ZBTB7B: variants seen among roughly 807,000 people sequenced by gnomAD.
ZBTB7B encodes the protein zinc finger and BTB domain-containing protein 7B.
In ZBTB7B, 8 loss-of-function variants were observed where a neutral mutation model predicts 31.0. The ratio of observed to expected loss-of-function variants is 0.26; its 90% CI spans 0.15 to 0.47. The LOEUF is 0.47. Among genes scored for constraint, ZBTB7B ranks in the 20% least tolerant of loss-of-function variants. The pLI, the probability that ZBTB7B is intolerant of heterozygous loss-of-function variation, is 0.99. For synonymous variants in ZBTB7B, 261 were observed against 307.3 expected (o/e 0.85, Z 1.58); for missense variants, 494 against 742.4 (o/e 0.67, Z 3.89).
In ZBTB7B at chr1:155,015,336, G is replaced by C; in HGVS notation, c.676G>C (p.Val226Leu). ...ANHLVPEVPT[V>L]PAHPLTYEEE... ...CCACCTAGTCCCTGAGGTGCCCACA[G>C]TGCCCGCCCATCCCTTGACCTATGA... The change falls in exon 2 of 3, where the codon GTG becomes CTG. Residue 226 changes from valine (V) to leucine (L), a missense_variant. Coordinates refer to ENST00000535420, the MANE Select transcript of ZBTB7B (RefSeq NM_001256455.2). 6.3e-7 allele frequency: 1 copy of C among 1,597,200 alleles called. No homozygotes were observed. The highest frequency in any genetic ancestry group is 8.6e-7 in the Non-Finnish European group (1 of 1,169,114).
intron 1 of ZBTB7B, among the ~76,000 whole-genome samples, chr1:155,007,737 G>T (rs1658649273): frequency 1.3e-5 from 2 of 152,140 alleles, no homozygotes; most frequent in African/African-American, 4.8e-5. Context: ...GAGCAGGGGG[G>T]TAGGAGGGAG....
rs377607684 is a variant in ZBTB7B, at chr1:155,016,050, T to C, written c.1155-170T>C. ...GTGCTGGAAGCAGAGGAGTGGATAA[T>C]GACAAGGCCTAGTTAAGCTAGAGGT... On this transcript the variant is annotated intron_variant, in intron 2 of 2. Coordinates refer to ENST00000535420, the MANE Select transcript of ZBTB7B (RefSeq NM_001256455.2). The surrounding 1 kb of genome is among the most constrained non-coding windows in gnomAD (Gnocchi z 4.3). 3.8e-4 allele frequency among the ~76,000 whole-genome samples: 58 copies of C among 152,084 alleles called. No individual in the cohort carries two copies. The highest frequency in any genetic ancestry group is 1.3e-3 in the African/African-American group (54 of 41,476).
rs921040949 is a variant in ZBTB7B at position 155,017,652 on chromosome 1, C to G, written c.*967C>G. 1 of 152,380 alleles carries G rather than the reference C, an allele frequency of 6.6e-6. No individual in the cohort carries two copies. The highest frequency in any genetic ancestry group is 1.5e-5 in the Non-Finnish European group (1 of 68,166). 9.4% of individuals were successfully genotyped at this position (152,380 alleles called of 1,614,324 possible). ...TTGGAAGAGCCTTGTGGAGAGCGGG[C>G]GAGCCGGCGCCATCTGGCGGCCATG... On this transcript the variant is annotated 3_prime_UTR_variant, in exon 3 of 3. Coordinates refer to ENST00000535420, the MANE Select transcript of ZBTB7B (RefSeq NM_001256455.2).
At chr1:155,007,458 G>A (rs1027591853) in intron 1 of ZBTB7B, among the ~76,000 whole-genome samples, 1 of 152,220 alleles carries the variant, frequency 6.6e-6, no homozygotes, top group Non-Finnish European at 1.5e-5. Flanking sequence ...CAGGGGGAAT[G>A]CCGGGAGGTT....
chr1:155,017,567 GC>G lies in ZBTB7B; in HGVS notation c.*886del. 1 of 154,612 alleles carries G rather than the reference GC, an allele frequency of 6.5e-6. No homozygotes were observed. Among genetic ancestry groups the G allele is most frequent in the South Asian group, 2.0e-4 (1 of 5,046 alleles). The allele number at this position is 154,612 out of a possible 1,614,324, so 9.6% of individuals were successfully genotyped here. On this transcript the variant is annotated 3_prime_UTR_variant, in exon 3 of 3. Transcript: ENST00000535420. ...AGCCGGAGCCGCCGCCACCGCTGCC[GC>G]CCCTGACTCACGCCGCCCCCGGGCT...
upstream of ZBTB7B, among the ~76,000 whole-genome samples, chr1:155,002,277 G>A (rs985305066): frequency 6.6e-6 from 1 of 151,514 alleles, no homozygotes; most frequent in Non-Finnish European, 1.5e-5. Flanking sequence ...GGCTGGATGG[G>A]GGCCGGGGGC....
In ZBTB7B at chr1:155,015,562, A is replaced by T; in HGVS notation, c.902A>T (p.Glu301Val). ...GGTGGCGGGCCCCCGCTGTCCCCAG[A>T]GGAGCTGGGCTCAGATGAGGATGCC... is the stretch of plus-strand genomic sequence containing the variant. ...AQGGGPPLSP[E>V]ELGSDEDAID... Residue 301 changes from glutamate (E) to valine (V), a missense_variant, in exon 2 of 3, where the codon GAG (glutamate) becomes GTG (valine). By Grantham distance (121) the Glu-to-Val change is moderately radical (BLOSUM62 -2). Around this residue, in one of 5 missense-constraint regions of ZBTB7B, gnomAD observed 216 missense variants for 229.3 expected, o/e 0.94. Coordinates refer to ENST00000535420, the MANE Select transcript of ZBTB7B (RefSeq NM_001256455.2). 6.2e-7 allele frequency: 1 copy of T among 1,613,848 alleles called. No homozygotes were observed. The highest frequency in any genetic ancestry group is 8.5e-7 in the Non-Finnish European group (1 of 1,179,976).
intron 1 of ZBTB7B, among the ~76,000 whole-genome samples, chr1:155,012,778 T>C (rs1032115911): frequency 1.7e-4 from 25 of 150,892 alleles, no homozygotes; most frequent in Admixed American, 1.1e-3. Flanking sequence ...AAGAGGAAAT[T>C]TGTGGCTTGA....
chr1:155,014,550 CTGG>C, intron 1 of ZBTB7B, 102 bp from the exon 2 acceptor site: 1 of 979,382 alleles, frequency 1.0e-6, no homozygotes, highest in Non-Finnish European at 1.5e-6. Flanking sequence ...AGAAGGGTGA[CTGG>C]CATGCAGTCA....
At position 155,015,622 on chromosome 1, in the gene ZBTB7B, T is replaced by G; in HGVS notation, c.962T>G (p.Leu321Arg). The change falls in exon 2 of 3, where the codon CTG becomes CGG. Residue 321 changes from leucine to arginine, a missense_variant. Leu to Arg is a moderately radical substitution (Grantham distance 102). Around this residue, in one of 5 missense-constraint regions of ZBTB7B, gnomAD observed 216 missense variants for 229.3 expected, o/e 0.94. Coordinates refer to ENST00000535420, the MANE Select transcript of ZBTB7B (RefSeq NM_001256455.2). Reference protein sequence around the residue: ...DPDLMAYLSSLHQDNLAPGLD... With the variant: ...DPDLMAYLSSRHQDNLAPGLD... ...GACCTGATGGCCTACCTAAGCTCCC[T>G]GCACCAGGACAACCTGGCACCAGGC... The G allele has an allele frequency of 1.2e-6, 2 of 1,613,688 alleles. No individual in the cohort carries two copies. Among genetic ancestry groups the G allele is most frequent in the South Asian group, 1.1e-5 (1 of 91,066 alleles).
intron 1 of ZBTB7B, among the ~76,000 whole-genome samples, chr1:155,013,846 G>A (rs939169647): frequency 2.6e-5 from 4 of 152,088 alleles, no homozygotes; most frequent in African/African-American, 9.7e-5. Flanking sequence ...GCCCCATGGG[G>A]GAGGGGAGGA....
chr1:155,007,143 C>G (rs572205641), intron 1 of ZBTB7B, among the ~76,000 whole-genome samples: 1 of 152,360 alleles, frequency 6.6e-6, no homozygotes, highest in South Asian at 2.1e-4. Flanking sequence ...TTTATTCTTG[C>G]TATCGCATTG....
rs771844060 is a variant in ZBTB7B at position 155,014,672 on chromosome 1, C to G, written c.12C>G (p.Pro4=). ...CTCTGCAGGAGAAGATGGGGAGCCCCGAGGATGACCTGATTGGGATTCCAT... is the reference window on the plus strand; with the variant it reads ...CTCTGCAGGAGAAGATGGGGAGCCCGGAGGATGACCTGATTGGGATTCCAT... MGS[P]EDDLIGIPFP... Residue 4 remains proline (P), a synonymous_variant, in exon 2 of 3, where the codon CCC becomes CCG. Transcript: ENST00000535420. 3.1e-6 allele frequency: 5 copies of G among 1,612,194 alleles called. No individual in the cohort carries two copies. The South Asian group carries it at 3.3e-5, about 11-fold the overall frequency.
At chr1:155,009,113 T>C (rs1414168935) in intron 1 of ZBTB7B, among the ~76,000 whole-genome samples, 1 of 152,044 alleles carries the variant, frequency 6.6e-6, no homozygotes, top group East Asian at 1.9e-4. Flanking sequence ...CAAGAGAGTT[T>C]AGGGAACTGA....
intron 1 of ZBTB7B, among the ~76,000 whole-genome samples, chr1:155,009,678 G>A (rs551998693): frequency 7.9e-5 from 12 of 151,986 alleles, no homozygotes; most frequent in Non-Finnish European, 1.5e-4. Flanking sequence ...CCAAATTGTG[G>A]TCCCCTGCTT....
chr1:155,018,368 T>G lies in ZBTB7B; in HGVS notation c.*1683T>G. On this transcript the variant is annotated 3_prime_UTR_variant, in exon 3 of 3. Coordinates refer to ENST00000535420, the MANE Select transcript of ZBTB7B (RefSeq NM_001256455.2). ...AGACCTGGGGCCCAGCCCCAGAAAG[T>G]GGGGACAATGTGGCCTCCCTTCTCC... The G allele has an allele frequency of 1.6e-6, 1 of 644,934 alleles. No homozygotes were observed. The highest frequency in any genetic ancestry group is 2.6e-6 in the Non-Finnish European group (1 of 381,328). 40.0% of individuals were successfully genotyped at this position (644,934 alleles called of 1,614,324 possible). A position where few individuals can be genotyped will look rare whatever the true frequency, so the allele number is the denominator to read the frequency against.
At chr1:155,001,817 A>C (rs1658237699), upstream of ZBTB7B, among the ~76,000 whole-genome samples, 1 of 151,258 alleles carries the variant, frequency 6.6e-6, no homozygotes, top group Non-Finnish European at 1.5e-5. This position sits in a 1 kb window ranked among gnomAD's most constrained non-coding sequence, Gnocchi z 4.8. Context: ...GGAGGGACGC[A>C]GGGCGCCCGC....
rs1659432201 is a variant in ZBTB7B, at chr1:155,016,610, A to G, written c.1545A>G (p.Pro515=). 4 of 1,612,064 alleles carry G rather than the reference A, an allele frequency of 2.5e-6. No homozygotes were observed. The highest frequency in any genetic ancestry group is 2.5e-6 in the Non-Finnish European group (3 of 1,178,772). ...CCACTGGGCCCCCGGTCTCTACCCC[A>G]GGGCCCCCTGATGACGATGAGGAGG... ...SAPTGPPVST[P]GPPDDDEEEG... The change falls in exon 3 of 3, where the codon CCA becomes CCG. Residue 515 remains proline, a synonymous_variant. Coordinates refer to ENST00000535420, the MANE Select transcript of ZBTB7B (RefSeq NM_001256455.2). This position sits in a 1 kb window ranked among gnomAD's most constrained non-coding sequence, Gnocchi z 4.3.
At chr1:155,011,120 A>G (rs1217127854) in intron 1 of ZBTB7B, 6 of 1,018,826 alleles carry the variant, frequency 5.9e-6, no homozygotes, top group Admixed American at 4.2e-5. Flanking sequence ...TGCCCCCCAC[A>G]CTAAGCCTCA....
Sources: gnomAD v4.1 joint callset for allele counts (sites outside exome capture counted in the v4.1 genomes callset) on GRCh38, gnomAD v4.1.1 for gene constraint, gnomAD v4.1.1 regional missense constraint, Gnocchi (gnomAD v3.1) non-coding constraint, MANE v1.5 for transcripts, NCBI Gene and HGNC (gene_info 2026-07-23, HGNC 2026-07-21) for gene names.